The following PTGER3 variants were observed in gnomAD, a reference collection of about 807,000 sequenced individuals.
PTGER3 encodes prostaglandin E receptor 3.
PTGER3 carries 22 observed loss-of-function variants against 34.7 expected under a neutral mutation model. That is an observed-to-expected ratio of 0.63 (90% CI 0.45 to 0.91). The LOEUF is 0.91. Among genes scored for constraint, PTGER3 ranks in the 40% least tolerant of loss-of-function variants. The pLI is 0.00. For synonymous variants in PTGER3, 241 were observed against 230.1 expected (o/e 1.05, Z -0.43); for missense variants, 468 against 519.4 (o/e 0.90, Z 0.96).
intron 4 of PTGER3, among the ~76,000 whole-genome samples, chr1:70,866,565 C>G (rs1414172350): frequency 6.6e-6 from 1 of 152,136 alleles, no homozygotes; most frequent in Non-Finnish European, 1.5e-5. Context: ...ATCAGGATGA[C>G]CAGACTATGA....
At chr1:70,917,866 G>T (rs542696554) in intron 4 of PTGER3, among the ~76,000 whole-genome samples, 1 of 151,896 alleles carries the variant, frequency 6.6e-6, no homozygotes, top group South Asian at 2.1e-4. Context: ...TATCTACTTC[G>T]TTCTTTTGCC....
rs764175475 is a variant in PTGER3 at position 70,974,329 on chromosome 1, G to A, written c.1137C>T (p.Ser379=). 2 of 1,519,044 alleles carry A rather than the reference G, an allele frequency of 1.3e-6. No homozygotes were observed. Among genetic ancestry groups the A allele is most frequent in the South Asian group, 2.2e-5 (2 of 89,090 alleles). 94.1% of individuals were successfully genotyped at this position (1,519,044 alleles called of 1,614,324 possible). The change falls in exon 3 of 4, where the codon TCC becomes TCT. Residue 379 remains serine (S), a synonymous_variant. Coordinates refer to ENST00000306666, the MANE Select transcript of PTGER3 (RefSeq NM_198719.2). ...SSSTSLPCQC[S]STLMWSDHLE... Reference sequence around the variant, plus strand: ...AATGGTCGCTCCACATCAAGGTTGAGGAACACTGGCAGGGTAAGGAGGTGG... The same window carrying A: ...AATGGTCGCTCCACATCAAGGTTGAAGAACACTGGCAGGGTAAGGAGGTGG...
At chr1:70,908,744 A>C (rs990225619) in intron 4 of PTGER3, among the ~76,000 whole-genome samples, 1 of 152,186 alleles carries the variant, frequency 6.6e-6, no homozygotes. Context: ...TTTATCCTGA[A>C]GTCATACTCA....
At chr1:70,930,221 G>C (rs185113931) in intron 4 of PTGER3, among the ~76,000 whole-genome samples, 49 of 152,280 alleles carry the variant, frequency 3.2e-4, no homozygotes, top group African/African-American at 1.1e-3. Context: ...ACTGAAGTTG[G>C]GGCATGGGTA....
intron 4 of PTGER3, among the ~76,000 whole-genome samples, chr1:70,893,834 G>T (rs1646669144): frequency 6.6e-6 from 1 of 152,088 alleles, no homozygotes. Context: ...TTGCTTCCTT[G>T]ATATTTTAAT....
intron 2 of PTGER3, among the ~76,000 whole-genome samples, chr1:70,960,083 G>T (rs139293075): frequency 5.5e-4 from 84 of 152,240 alleles, no homozygotes; most frequent in South Asian, 1.2e-3. Context: ...AAACTCCAAA[G>T]CTTGCTGGCA....
At chr1:70,996,524 T>C (rs1462634135) in intron 2 of PTGER3, among the ~76,000 whole-genome samples, 1 of 151,996 alleles carries the variant, frequency 6.6e-6, no homozygotes, top group East Asian at 1.9e-4. Context: ...TGAAGTGCAG[T>C]GGCGCGGCTC....
chr1:71,024,817 T>A (rs7525785), intron 1 of PTGER3, among the ~76,000 whole-genome samples: 56,428 of 150,956 alleles, frequency 0.37, 11,468 homozygotes, highest in South Asian at 0.47. Flanking sequence ...AACCTCCCAG[T>A]GTGCTGGGAT....
intron 4 of PTGER3, among the ~76,000 whole-genome samples, chr1:70,912,450 A>G (rs1647080505): frequency 6.6e-6 from 1 of 152,082 alleles, no homozygotes; most frequent in South Asian, 2.1e-4. Context: ...TTCAATGTCC[A>G]GTTTATGTTA....
At chr1:70,942,041 G>A (rs1243908358) in intron 4 of PTGER3, among the ~76,000 whole-genome samples, 1 of 152,116 alleles carries the variant, frequency 6.6e-6, no homozygotes, top group Non-Finnish European at 1.5e-5. Flanking sequence ...TTACAGCTGG[G>A]AAGGGGTTAT....
intron 1 of PTGER3, among the ~76,000 whole-genome samples, chr1:71,044,158 C>G (rs1036120403): frequency 6.7e-6 from 1 of 149,444 alleles, no homozygotes; most frequent in Non-Finnish European, 1.5e-5. Context: ...TCTCCTAGGC[C>G]GGGCACGGTG....
At chr1:71,043,200 T>C (rs1660465113) in intron 1 of PTGER3, among the ~76,000 whole-genome samples, 1 of 152,208 alleles carries the variant, frequency 6.6e-6, no homozygotes, top group African/African-American at 2.4e-5. Flanking sequence ...ATCAAATAGA[T>C]TGCATTGCTG....
intron 3 of PTGER3, chr1:70,953,078 A>T (rs1292667752): frequency 1.4e-5 from 21 of 1,553,174 alleles, no homozygotes; most frequent in Non-Finnish European, 1.7e-5. Context: ...AGATCAAAAT[A>T]TTGAGAAAAG....
chr1:70,852,697 A>G (rs1336043922), exon 5 of PTGER3: 1 of 976,978 alleles, frequency 1.0e-6, no homozygotes, highest in Non-Finnish European at 1.6e-6. Flanking sequence ...GCTTCTGGAT[A>G]ACAGTTATAT....
chr1:71,046,614 G>C, intron 1 of PTGER3, 67 bp downstream of exon 1: 12 of 1,486,004 alleles, frequency 8.1e-6, no homozygotes, highest in Middle Eastern at 1.8e-4. Flanking sequence ...CTGCCACTTA[G>C]CAAAGTCTTA....
chr1:71,003,013 C>T (rs1656627762), intron 2 of PTGER3, among the ~76,000 whole-genome samples: 1 of 152,170 alleles, frequency 6.6e-6, no homozygotes, highest in African/African-American at 2.4e-5. Context: ...ACAAATACTT[C>T]AATGCTCTAA....
intron 4 of PTGER3, among the ~76,000 whole-genome samples, chr1:70,930,400 T>G (rs926966496): frequency 2.0e-5 from 3 of 152,194 alleles, no homozygotes; most frequent in Admixed American, 6.5e-5. Flanking sequence ...ATAATTGACA[T>G]TATAATTCCC....
chr1:70,926,548 T>C (rs1358862091), intron 4 of PTGER3, among the ~76,000 whole-genome samples: 2 of 152,370 alleles, frequency 1.3e-5, no homozygotes, highest in East Asian at 3.9e-4. Context: ...GAGACTTTGC[T>C]GAAGTTGCTT....
At chr1:71,011,937 T>C in intron 2 of PTGER3, 2 of 1,231,214 alleles carry the variant, frequency 1.6e-6, no homozygotes, top group Non-Finnish European at 2.0e-6. Context: ...CCAAGATCAT[T>C]TATAAAAAAT....
Sources: allele counts gnomAD v4.1 joint callset (sites outside exome capture counted in the v4.1 genomes callset), GRCh38; gene constraint gnomAD v4.1.1; transcripts MANE v1.5; gene names NCBI Gene and HGNC (gene_info 2026-07-23, HGNC 2026-07-21).